DYNC1LI1: variants seen among roughly 807,000 people sequenced by gnomAD.
DYNC1LI1 encodes dynein cytoplasmic 1 light intermediate chain 1, also known as cytoplasmic dynein 1 light intermediate chain 1.
DYNC1LI1 carries 19 observed loss-of-function variants against 63.8 expected under a neutral mutation model. The observed-to-expected ratio is 0.30, with a 90% confidence interval of 0.21 to 0.44. The LOEUF (loss-of-function observed/expected upper bound fraction) is 0.44, where lower values mean the gene tolerates loss of function less well. Ranked by LOEUF, DYNC1LI1 falls within the 20% of genes least tolerant of loss-of-function variation. The probability of loss-of-function intolerance (pLI) is 1.00; values close to 1 mark genes in which losing one functional copy is unlikely to be tolerated. For missense variants in DYNC1LI1, 565 were observed against 630.2 expected (o/e 0.90, Z 1.11); for synonymous variants, 225 against 232.3 (o/e 0.97, Z 0.28).
chr3:32,563,971 T>G (rs1028197658), intron 2 of DYNC1LI1, among the ~76,000 whole-genome samples: 1 of 152,234 alleles, frequency 6.6e-6, no homozygotes, highest in Non-Finnish European at 1.5e-5. Flanking sequence ...CTCTATTAAC[T>G]GGCATTTGTG....
intron 2 of DYNC1LI1, among the ~76,000 whole-genome samples, chr3:32,559,701 T>A (rs910759181): frequency 6.6e-6 from 1 of 152,144 alleles, no homozygotes; most frequent in Non-Finnish European, 1.5e-5. Flanking sequence ...TTTGACATGG[T>A]CCCCAGCATC....
intron 2 of DYNC1LI1, among the ~76,000 whole-genome samples, chr3:32,554,863 ATT>A (rs11434502): frequency 2.2e-4 from 23 of 104,720 alleles, no homozygotes; most frequent in South Asian, 9.2e-4. Flanking sequence ...AAATTTTTGA[ATT>A]TTTTTTTTTT....
At chr3:32,528,713 T>C in intron 11 of DYNC1LI1, 112 bp from the exon 12 acceptor site, 1 of 1,070,468 alleles carries the variant, frequency 9.3e-7, no homozygotes, top group Non-Finnish European at 1.3e-6. Context: ...TTTAAGAGTT[T>C]TATATTCCAA....
In DYNC1LI1 at chr3:32,526,676, C is replaced by CAA; in HGVS notation, c.*122_*123insTT. The stretch of plus-strand genomic sequence containing the variant: ...AACCACACACACACACACACACACA[C>CAA]ACGACATAAATTTAGTCCATCTGAA... On this transcript the variant is annotated 3_prime_UTR_variant, in exon 13 of 13. Coordinates refer to ENST00000273130, the MANE Select transcript of DYNC1LI1 (RefSeq NM_016141.4). 1 of 695,956 alleles carries CAA rather than the reference C, an allele frequency of 1.4e-6. No individual in the cohort carries two copies. The highest frequency in any genetic ancestry group is 2.5e-6 in the Non-Finnish European group (1 of 399,868). 43.1% of individuals were successfully genotyped at this position (695,956 alleles called of 1,614,324 possible).
At chr3:32,570,041 C>G in intron 2 of DYNC1LI1, 1 of 511,230 alleles carries the variant, frequency 2.0e-6, no homozygotes, top group Non-Finnish European at 3.5e-6. Flanking sequence ...CTAGATAAAC[C>G]CCAGGCCACG....
At chr3:32,554,646 C>A (rs1057006801) in intron 2 of DYNC1LI1, among the ~76,000 whole-genome samples, 3 of 152,116 alleles carry the variant, frequency 2.0e-5, no homozygotes, top group Non-Finnish European at 4.4e-5. Context: ...CCCTTTAGCT[C>A]TTAGGGTAAA....
At position 32,541,077 on chromosome 3, in the gene DYNC1LI1, G is replaced by T. The variant is rs1697873753; in HGVS notation, c.698C>A (p.Thr233Lys). ...VVLPLGADTL[T>K]HNLGIPVLVV... ...TAGTACTGGAATGCCCAAGTTATGTGTAAGTGTATCCGCACCCAGAGGTAA... is the reference window on the plus strand; with the variant it reads ...TAGTACTGGAATGCCCAAGTTATGTTTAAGTGTATCCGCACCCAGAGGTAA... Residue 233 changes from threonine to lysine, a missense_variant, in exon 5 of 13, where the codon ACA becomes AAA. Transcript: ENST00000273130. 3 of 1,613,502 alleles carry T rather than the reference G, an allele frequency of 1.9e-6. No homozygotes were observed. The highest frequency in any genetic ancestry group is 1.3e-5 in the African/African-American group (1 of 74,916).
At chr3:32,570,233 G>A (rs1698325808) in intron 2 of DYNC1LI1, 113 bp downstream of exon 2, 2 of 874,852 alleles carry the variant, frequency 2.3e-6, no homozygotes, top group Non-Finnish European at 3.7e-6. Context: ...AGGCGAGGCG[G>A]GGCGGGGCTG....
At chr3:32,553,702 G>C (rs1259815865) in intron 2 of DYNC1LI1, among the ~76,000 whole-genome samples, 1 of 152,192 alleles carries the variant, frequency 6.6e-6, no homozygotes, top group Non-Finnish European at 1.5e-5. Context: ...ACCTGCAAGA[G>C]TATCCTGCCA....
chr3:32,553,259 TGG>T (rs1698068684), intron 2 of DYNC1LI1, among the ~76,000 whole-genome samples: 1 of 152,012 alleles, frequency 6.6e-6, no homozygotes, highest in Non-Finnish European at 1.5e-5. Flanking sequence ...AGCTCAGGCA[TGG>T]GAGAATCAAG....
intron 2 of DYNC1LI1, among the ~76,000 whole-genome samples, chr3:32,559,448 A>C (rs1399385890): frequency 6.6e-6 from 1 of 152,166 alleles, no homozygotes; most frequent in Non-Finnish European, 1.5e-5. Flanking sequence ...CATGCTGCCC[A>C]GGATGGTCTC....
At chr3:32,569,785 A>G (rs1698316675) in intron 2 of DYNC1LI1, among the ~76,000 whole-genome samples, 1 of 152,184 alleles carries the variant, frequency 6.6e-6, no homozygotes, top group Non-Finnish European at 1.5e-5. Context: ...ACTTAACTAG[A>G]AAGTTGTGTT....
intron 2 of DYNC1LI1, among the ~76,000 whole-genome samples, chr3:32,558,458 T>C (rs1490335925): frequency 6.9e-6 from 1 of 145,198 alleles, no homozygotes; most frequent in Non-Finnish European, 1.5e-5. Context: ...ATTCCACACA[T>C]GGTCACCAAA....
At chr3:32,529,358 A>G (rs1299211493) in intron 11 of DYNC1LI1, among the ~76,000 whole-genome samples, 182 bp downstream of exon 11, 1 of 152,242 alleles carries the variant, frequency 6.6e-6, no homozygotes, top group Non-Finnish European at 1.5e-5. Context: ...ATGATGATAC[A>G]TCACAAATAC....
intron 6 of DYNC1LI1, among the ~76,000 whole-genome samples, chr3:32,536,495 T>C (rs1185722453): frequency 2.0e-5 from 3 of 152,184 alleles, no homozygotes. Flanking sequence ...CTTTCTATGA[T>C]AGATTTTCCA....
intron 2 of DYNC1LI1, among the ~76,000 whole-genome samples, chr3:32,564,322 CA>C (rs1698231741): frequency 3.3e-5 from 5 of 152,266 alleles, no homozygotes; most frequent in African/African-American, 1.2e-4. Flanking sequence ...TCTAAATAAA[CA>C]AACAAACAAG....
intron 2 of DYNC1LI1, among the ~76,000 whole-genome samples, chr3:32,558,488 C>T (rs893470558): frequency 4.0e-5 from 6 of 151,416 alleles, no homozygotes; most frequent in Non-Finnish European, 7.4e-5. Context: ...GGTGATACTG[C>T]TTTATCTCCC....
chr3:32,569,660 C>G (rs1286646036), intron 2 of DYNC1LI1, among the ~76,000 whole-genome samples: 2 of 152,166 alleles, frequency 1.3e-5, no homozygotes, highest in African/African-American at 2.4e-5. Context: ...ATCCCCACCC[C>G]CAGAGTCACT....
At chr3:32,570,304 G>A in intron 2 of DYNC1LI1, 42 bp downstream of exon 2, 3 of 1,498,744 alleles carry the variant, frequency 2.0e-6, no homozygotes, top group Admixed American at 1.9e-5. Flanking sequence ...ACCCCGGGCC[G>A]CTGGGGGCCG....
Sources: allele counts gnomAD v4.1 joint callset (sites outside exome capture counted in the v4.1 genomes callset), GRCh38; gene constraint gnomAD v4.1.1; transcripts MANE v1.5; gene names NCBI Gene and HGNC (gene_info 2026-07-23, HGNC 2026-07-21).